The following PTGES3 variants were observed in gnomAD, a reference collection of about 807,000 sequenced individuals.
PTGES3 encodes the protein prostaglandin E synthase 3, also known as Hsp90 co-chaperone.
Under a neutral mutation model 29.9 loss-of-function variants are expected in PTGES3, and 5 were observed. The ratio of observed to expected loss-of-function variants is 0.17; its 90% CI spans 0.09 to 0.35. PTGES3 has a LOEUF of 0.35. Ranked by LOEUF, PTGES3 falls within the 10% of genes least tolerant of loss-of-function variation. The probability of loss-of-function intolerance (pLI) is 1.00; values close to 1 mark genes in which losing one functional copy is unlikely to be tolerated. For synonymous variants in PTGES3, 49 were observed against 57.8 expected, an observed-to-expected ratio of 0.85 and a Z score of 0.69; for missense variants, 128 against 190.0, an observed-to-expected ratio of 0.67 and a Z score of 1.92.
intron 5 of PTGES3, 143 bp downstream of exon 5, chr12:56,670,132 A>T: frequency 1.7e-6 from 1 of 596,614 alleles, no homozygotes; most frequent in Non-Finnish European, 3.0e-6. Flanking sequence ...GTTAACATCT[A>T]TTTACTATGA....
chr12:56,672,095 G>A (rs191369670), intron 3 of PTGES3, among the ~76,000 whole-genome samples: 3 of 151,982 alleles, frequency 2.0e-5, no homozygotes, highest in Admixed American at 1.3e-4. Context: ...AAAGTTTAAA[G>A]TTTAACCTGG....
chr12:56,666,364 A>G (rs1050339428), intron 5 of PTGES3, 98 bp from the exon 6 acceptor site: 2 of 1,394,860 alleles, frequency 1.4e-6, no homozygotes, highest in Non-Finnish European at 1.9e-6. Context: ...TCTGCCACAG[A>G]TATCAAAAAA....
intron 1 of PTGES3, among the ~76,000 whole-genome samples, chr12:56,681,718 G>A (rs1415415548): frequency 4.6e-5 from 7 of 151,388 alleles, no homozygotes; most frequent in African/African-American, 1.2e-4. Context: ...AGCCAGGTAC[G>A]GTGGCATGCG....
chr12:56,669,066 G>C (rs1322570761), intron 5 of PTGES3, among the ~76,000 whole-genome samples: 2 of 143,998 alleles, frequency 1.4e-5, no homozygotes, highest in East Asian at 4.2e-4. Flanking sequence ...CTGGAGTGCA[G>C]TGGTGTGATC....
chr12:56,674,642 C>T (rs1366618314), intron 1 of PTGES3, among the ~76,000 whole-genome samples: 3 of 151,382 alleles, frequency 2.0e-5, no homozygotes, highest in Admixed American at 6.6e-5. Context: ...CTGGCTAACA[C>T]GATGAAACCC....
chr12:56,665,439 C>A (rs568185776), intron 6 of PTGES3: 4 of 877,504 alleles, frequency 4.6e-6, no homozygotes, highest in African/African-American at 1.8e-5. Context: ...GGATTACAGG[C>A]ACCCGCCACC....
intron 1 of PTGES3, among the ~76,000 whole-genome samples, chr12:56,676,389 T>C (rs1162759725): frequency 6.6e-6 from 1 of 152,174 alleles, no homozygotes; most frequent in African/African-American, 2.4e-5. Flanking sequence ...TGTTTTATTA[T>C]ATAATCTAAA....
rs2137630241 is a variant in PTGES3, at chr12:56,673,038, A to G, written c.30T>C (p.Asp10=). 1 of 1,607,174 alleles carries G rather than the reference A, an allele frequency of 6.2e-7. No homozygotes were observed. Among genetic ancestry groups the G allele is most frequent in the East Asian group, 2.2e-5 (1 of 44,776 alleles). The change falls in exon 2 of 8, where the codon GAT becomes GAC. Residue 10 remains aspartate (D), a synonymous_variant. Transcript: ENST00000262033. ...ATTCAATGAAGACATAGTCCCTTCG[A>G]TCGTACCACTTTGCAGAAGCAGGCT... The part of the protein sequence containing the change: MQPASAKWY[D]RRDYVFIEFC...
At chr12:56,686,867 AC>A in intron 1 of PTGES3, 1 of 351,780 alleles carries the variant, frequency 2.8e-6, no homozygotes, top group Non-Finnish European at 4.9e-6. Flanking sequence ...AATCCTTATT[AC>A]TTTTCCAAAG....
rs556949427 is a variant in PTGES3 at position 56,677,436 on chromosome 12, T to G, written c.3-4371A>C. ...GTGCTCTTAAGCCAAAAGGAGTAAC[T>G]AGCAGTTGCTTTGATGACATAGCTG... is the stretch of plus-strand genomic sequence containing the variant. On this transcript the variant is annotated intron_variant, in intron 1 of 7. Coordinates refer to ENST00000262033, the MANE Select transcript of PTGES3 (RefSeq NM_006601.7). Among the ~76,000 whole-genome samples the G allele has an allele frequency of 2.0e-5, 3 of 152,256 alleles. No individual in the cohort carries two copies. The South Asian group carries it at 6.2e-4, about 32-fold the overall frequency.
intron 1 of PTGES3, among the ~76,000 whole-genome samples, chr12:56,674,105 T>G (rs1406060502): frequency 6.6e-6 from 1 of 152,202 alleles, no homozygotes; most frequent in Non-Finnish European, 1.5e-5. Context: ...ATTAATACAT[T>G]GAAGTCCTAA....
At chr12:56,675,694 G>T (rs1592260995) in intron 1 of PTGES3, among the ~76,000 whole-genome samples, 1 of 152,166 alleles carries the variant, frequency 6.6e-6, no homozygotes, top group South Asian at 2.1e-4. Context: ...GCTGAGATGG[G>T]TGCATCACCT....
intron 6 of PTGES3, chr12:56,665,512 C>T (rs535159368): frequency 2.0e-6 from 2 of 979,814 alleles, no homozygotes; most frequent in African/African-American, 3.5e-5. Flanking sequence ...CCAGGCTGGC[C>T]TGAAACTCTT....
At chr12:56,668,798 T>C (rs757062911) in intron 5 of PTGES3, among the ~76,000 whole-genome samples, 1 of 152,110 alleles carries the variant, frequency 6.6e-6, no homozygotes, top group East Asian at 1.9e-4. Context: ...CAACAAGAAA[T>C]GGATTTCATC....
intron 6 of PTGES3, chr12:56,665,261 T>G (rs1357928770): frequency 7.3e-6 from 6 of 821,198 alleles, no homozygotes; most frequent in Non-Finnish European, 8.8e-6. Context: ...TGTATCTTCC[T>G]CTTACAGATT....
chr12:56,663,631 ACAT>A lies in PTGES3; in HGVS notation c.*845_*847del, dbSNP rs1327488741. 1 of 152,668 alleles carries A rather than the reference ACAT, an allele frequency of 6.6e-6. No individual in the cohort carries two copies. The highest frequency in any genetic ancestry group is 1.5e-5 in the Non-Finnish European group (1 of 68,042). 9.5% of individuals were successfully genotyped at this position (152,668 alleles called of 1,614,324 possible). ...CAACAGTTTATTAGAAAGAATGTAGACATTTAAAAAAATCCCCACTGTCATGAA... is the reference window on the plus strand; with the variant it reads ...CAACAGTTTATTAGAAAGAATGTAGATTAAAAAAATCCCCACTGTCATGAA... On this transcript the variant is annotated 3_prime_UTR_variant, in exon 8 of 8. Coordinates refer to ENST00000262033, the MANE Select transcript of PTGES3 (RefSeq NM_006601.7).
chr12:56,679,641 G>C (rs1952434677), intron 1 of PTGES3, among the ~76,000 whole-genome samples: 1 of 152,052 alleles, frequency 6.6e-6, no homozygotes, highest in Non-Finnish European at 1.5e-5. Flanking sequence ...TAAAGTTAAA[G>C]CTAAACTCAG....
chr12:56,669,007 AT>A (rs577249197), intron 5 of PTGES3, among the ~76,000 whole-genome samples: 50 of 97,068 alleles, frequency 5.2e-4, no homozygotes, highest in Admixed American at 5.5e-4. Context: ...TTCACCATGA[AT>A]TTTTTTTTTT....
At chr12:56,683,033 C>G (rs1223705144) in intron 1 of PTGES3, among the ~76,000 whole-genome samples, 2 of 151,680 alleles carry the variant, frequency 1.3e-5, no homozygotes, top group Non-Finnish European at 2.9e-5. Flanking sequence ...ACCGAGGAAG[C>G]AGGGAAGCAG....
Sources: gnomAD v4.1 joint callset for allele counts (sites outside exome capture counted in the v4.1 genomes callset) on GRCh38, gnomAD v4.1.1 for gene constraint, MANE v1.5 for transcripts, NCBI Gene and HGNC (gene_info 2026-07-23, HGNC 2026-07-21) for gene names.